RAB40C: variants seen among roughly 807,000 people sequenced by gnomAD.
The protein encoded by RAB40C is RAB40C, member RAS oncogene family.
In RAB40C, 8 loss-of-function variants were observed where a neutral mutation model predicts 28.1. The observed-to-expected ratio is 0.28, with a 90% CI of 0.17 to 0.51. The LOEUF is 0.51. RAB40C is among the 20% of genes least tolerant of loss of function. The pLI, the probability that RAB40C is intolerant of heterozygous loss-of-function variation, is 0.97. For missense variants in RAB40C, 288 were observed against 405.9 expected (o/e 0.71, Z 2.50); for synonymous variants, 201 against 171.7 (o/e 1.17, Z -1.34).
At chr16:615,390 T>G (rs955982378) in intron 1 of RAB40C, among the ~76,000 whole-genome samples, 1 of 152,204 alleles carries the variant, frequency 6.6e-6, no homozygotes, top group Non-Finnish European at 1.5e-5. Context: ...ACAAGCCCAC[T>G]GGGCAGGTGC....
At chr16:624,549 T>A (rs1457402182) in intron 3 of RAB40C, 2 of 985,294 alleles carry the variant, frequency 2.0e-6, no homozygotes, top group Non-Finnish European at 2.4e-6. Flanking sequence ...TATCGAAAGA[T>A]GGTTCTAAGA....
Position 627,263 on chromosome 16 carries a change from C to T in RAB40C, c.566-79C>T, listed in dbSNP as rs1320515338. On this transcript the variant is annotated intron_variant, in intron 5 of 5. Coordinates refer to ENST00000248139, the MANE Select transcript of RAB40C (RefSeq NM_021168.5). ...GGAGTGTGGAGACCCCGCCAGGCTT[C>T]TCTTGGGCACCTCAGGTCTCCCTGC... 4 of 1,430,560 alleles carry T rather than the reference C, an allele frequency of 2.8e-6. No homozygotes were observed. The African/African-American group carries it at 5.7e-5, about 20-fold the overall frequency. 88.6% of individuals were successfully genotyped at this position (1,430,560 alleles called of 1,614,324 possible).
At chr16:623,387 C>T (rs759521181) in intron 3 of RAB40C, among the ~76,000 whole-genome samples, 4 of 152,266 alleles carry the variant, frequency 2.6e-5, no homozygotes, top group African/African-American at 4.8e-5. Flanking sequence ...CGGTGGCTCA[C>T]GCCTGTCATC....
rs73485414 is a variant in RAB40C at position 604,269 on chromosome 16, T to C, written c.143-12939T>C. Among the ~76,000 whole-genome samples, 393 of 152,170 alleles carry C rather than the reference T, an allele frequency of 2.6e-3. 5 individuals carry two copies. The highest frequency in any genetic ancestry group is 9.2e-3 in the African/African-American group (380 of 41,516). ...TTTTTTAATTATTTTTCTTGTAAAATACAGAAAACACGTCATTTTAGCCAT... is the reference window on the plus strand; with the variant it reads ...TTTTTTAATTATTTTTCTTGTAAAACACAGAAAACACGTCATTTTAGCCAT... On this transcript the variant is annotated intron_variant, in intron 1 of 5. Transcript: ENST00000248139.
At chr16:604,040 G>A (rs2036307871) in intron 1 of RAB40C, among the ~76,000 whole-genome samples, 1 of 151,294 alleles carries the variant, frequency 6.6e-6, no homozygotes. Flanking sequence ...TGATGTGAAC[G>A]AGTTCTTCTT....
chr16:602,466 C>T (rs2036273717), intron 1 of RAB40C, among the ~76,000 whole-genome samples: 1 of 151,822 alleles, frequency 6.6e-6, no homozygotes, highest in Non-Finnish European at 1.5e-5. Context: ...AAGTCTTGCT[C>T]TTGTCCACCA....
intron 1 of RAB40C, among the ~76,000 whole-genome samples, chr16:603,041 C>T (rs1016391941): frequency 5.3e-5 from 8 of 152,122 alleles, no homozygotes; most frequent in African/African-American, 1.9e-4. Context: ...TGAACCGTGG[C>T]GCTGAAGCAA....
chr16:627,549 A>T lies in RAB40C; in HGVS notation c.773A>T (p.Lys258Met), dbSNP rs759484476. 6.2e-7 allele frequency: 1 copy of T among 1,613,468 alleles called. No individual in the cohort carries two copies. The highest frequency in any genetic ancestry group is 8.5e-7 in the Non-Finnish European group (1 of 1,179,884). Residue 258 changes from lysine (K) to methionine (M), a missense_variant, in exon 6 of 6, where the codon AAG becomes ATG. Around this residue, in one of 3 missense-constraint regions of RAB40C, gnomAD observed 57 missense variants for 55.3 expected, o/e 1.03. Transcript: ENST00000248139. ...GGCGGCAGCAAGGGCAACAGCCTCAAGAGGTCCAAGTCCATCCGTCCACCC... is the reference window on the plus strand; with the variant it reads ...GGCGGCAGCAAGGGCAACAGCCTCATGAGGTCCAAGTCCATCCGTCCACCC... ...GGGGSKGNSL[K>M]RSKSIRPPQS...
intron 2 of RAB40C, 97 bp from the exon 3 acceptor site, chr16:618,103 C>T (rs2036626149): frequency 2.5e-6 from 3 of 1,196,920 alleles, no homozygotes; most frequent in Non-Finnish European, 3.6e-6. Flanking sequence ...CCGCCCCGCT[C>T]CCCTCAGGAC....
At chr16:597,937 CAAAAAAAAAAAAAAA>C (rs57539332) in intron 1 of RAB40C, among the ~76,000 whole-genome samples, 5 of 28,468 alleles carry the variant, frequency 1.8e-4, no homozygotes, top group South Asian at 1.5e-3. Flanking sequence ...CCCATCTCTA[CAAAAAAAAAAAAAAA>C]AAAAAAAAAA....
At chr16:602,278 A>G (rs1036502526) in intron 1 of RAB40C, among the ~76,000 whole-genome samples, 2 of 100,596 alleles carry the variant, frequency 2.0e-5, no homozygotes, top group African/African-American at 3.7e-5. Context: ...GTTTTTTTTT[A>G]TTAGAGAGAC....
At chr16:602,554 G>A (rs771006291) in intron 1 of RAB40C, among the ~76,000 whole-genome samples, 59 of 152,008 alleles carry the variant, frequency 3.9e-4, no homozygotes, top group Non-Finnish European at 2.2e-4. Context: ...TCAGCCCCCC[G>A]AGTAGCTGGG....
rs1294674264 is a variant in RAB40C, at chr16:600,634, C to T, written c.142+10201C>T. On this transcript the variant is annotated intron_variant, in intron 1 of 5. Coordinates refer to ENST00000248139, the MANE Select transcript of RAB40C (RefSeq NM_021168.5). ...GGCCTGGTGGCATGCACCTGTATTC[C>T]CAGCTACTCAGCAGGCTGAGGCAGG... 2.6e-5 allele frequency among the ~76,000 whole-genome samples: 4 copies of T among 152,302 alleles called. No homozygotes were observed. The Middle Eastern group carries it at 0.01, about 389-fold the overall frequency.
chr16:600,866 G>A (rs1388101946), intron 1 of RAB40C, among the ~76,000 whole-genome samples: 1 of 152,238 alleles, frequency 6.6e-6, no homozygotes, highest in Non-Finnish European at 1.5e-5. Context: ...GAAACAGAAA[G>A]GTTTTGACTC....
In RAB40C at chr16:627,531, G is replaced by A; in HGVS notation, c.755G>A (p.Ser252Asn). Residue 252 changes from serine (S) to asparagine (N), a missense_variant, in exon 6 of 6, where the codon AGC (serine) becomes AAC (asparagine). By Grantham distance (46) the Ser-to-Asn change is conservative. Coordinates refer to ENST00000248139, the MANE Select transcript of RAB40C (RefSeq NM_021168.5). The part of the protein sequence containing the change: ...SLASGAGGGG[S>N]KGNSLKRSKS... ...GCCAGCGGGGCCGGGGGCGGCGGCAGCAAGGGCAACAGCCTCAAGAGGTCC... is the reference window on the plus strand; with the variant it reads ...GCCAGCGGGGCCGGGGGCGGCGGCAACAAGGGCAACAGCCTCAAGAGGTCC... The A allele has an allele frequency of 6.2e-7, 1 of 1,613,638 alleles. No individual in the cohort carries two copies.
chr16:618,555 TG>T (rs2036638624), intron 3 of RAB40C, among the ~76,000 whole-genome samples: 1 of 152,144 alleles, frequency 6.6e-6, no homozygotes, highest in Non-Finnish European at 1.5e-5. Context: ...TACTTGGAGC[TG>T]TGTGTGTGCA....
intron 1 of RAB40C, among the ~76,000 whole-genome samples, chr16:607,953 C>G (rs1428816424): frequency 6.6e-6 from 1 of 152,134 alleles, no homozygotes; most frequent in African/African-American, 2.4e-5. Context: ...CTGTGAGACC[C>G]CCTCTGAAGG....
rs2035959389 is a variant in RAB40C at position 590,205 on chromosome 16, A to AG, written c.-85dup. 9.7e-6 allele frequency: 10 copies of AG among 1,035,464 alleles called. No homozygotes were observed. Among genetic ancestry groups the AG allele is most frequent in the Non-Finnish European group, 1.2e-5 (10 of 836,552 alleles). 64.1% of individuals were successfully genotyped at this position (1,035,464 alleles called of 1,614,324 possible). On this transcript the variant is annotated 5_prime_UTR_variant, in exon 1 of 6. Coordinates refer to ENST00000248139, the MANE Select transcript of RAB40C (RefSeq NM_021168.5). ...GCCGTGGGGCGGACGCAACGGGCGC[A>AG]GGTGCGGGGCGCGGGCTCTCTCACG...
chr16:613,948 G>C (rs943346423), intron 1 of RAB40C, among the ~76,000 whole-genome samples: 2 of 152,190 alleles, frequency 1.3e-5, no homozygotes, highest in South Asian at 4.1e-4. Context: ...CACGCAGCTC[G>C]GGAAGCACAC....
Sources: allele counts gnomAD v4.1 joint callset (sites outside exome capture counted in the v4.1 genomes callset), GRCh38; gene constraint gnomAD v4.1.1; regional missense constraint gnomAD v4.1.1; transcripts MANE v1.5; gene names NCBI Gene and HGNC (gene_info 2026-07-23, HGNC 2026-07-21).